GRIP1: variants seen among roughly 807,000 people sequenced by gnomAD.
GRIP1 encodes the protein glutamate receptor-interacting protein 1.
A neutral mutation model predicts 129.9 loss-of-function variants in GRIP1; 45 were observed. The ratio of observed to expected loss-of-function variants is 0.35; its 90% CI spans 0.27 to 0.44. GRIP1 has a LOEUF of 0.44. GRIP1 is among the 20% of genes least tolerant of loss of function. The pLI is 1.00. For synonymous variants in GRIP1, 530 were observed against 520.8 expected (o/e 1.02, Z -0.24); for missense variants, 1,196 against 1,396.8 (o/e 0.86, Z 2.29).
chr12:66,599,761 C>T (rs1202194076), intron 1 of GRIP1, among the ~76,000 whole-genome samples: 2 of 152,106 alleles, frequency 1.3e-5, no homozygotes, highest in African/African-American at 4.8e-5. Flanking sequence ...AGATATATCC[C>T]TAGAATTTCA....
chr12:66,717,406 T>G (rs2035924906), intron 1 of GRIP1, among the ~76,000 whole-genome samples: 1 of 149,206 alleles, frequency 6.7e-6, no homozygotes, highest in Non-Finnish European at 1.5e-5. Flanking sequence ...AGTCACCACA[T>G]GGCCCAGGAA....
At position 66,976,086 on chromosome 12, in the gene GRIP1, C is replaced by T. The variant is rs191911610; in HGVS notation, c.58+92964G>A. Among the ~76,000 whole-genome samples, 18 of 152,274 alleles carry T rather than the reference C, an allele frequency of 1.2e-4. No individual in the cohort carries two copies. In the South Asian group the frequency reaches 2.1e-3, roughly 18 times the overall value. ...TTCCCCAGTTGCATAGGCTTGGGCTCCACAAACCCTGTATCTGCCTTTGGT... is the reference window on the plus strand; with the variant it reads ...TTCCCCAGTTGCATAGGCTTGGGCTTCACAAACCCTGTATCTGCCTTTGGT... On this transcript the variant is annotated intron_variant, in intron 1 of 1. Transcript: ENST00000643019.
At chr12:66,881,807 AAAAG>A (rs1326926818) in intron 1 of GRIP1, among the ~76,000 whole-genome samples, 1 of 152,192 alleles carries the variant, frequency 6.6e-6, no homozygotes, top group Non-Finnish European at 1.5e-5. Flanking sequence ...CATAAAAAGA[AAAAG>A]AACTCAGCTG....
At chr12:66,764,335 G>T (rs1231234846) in intron 1 of GRIP1, among the ~76,000 whole-genome samples, 3 of 152,192 alleles carry the variant, frequency 2.0e-5, no homozygotes, top group African/African-American at 7.2e-5. Flanking sequence ...GTCTTAATGT[G>T]GTTTAGCTAC....
chr12:66,949,778 T>TC (rs2041727042), intron 1 of GRIP1, among the ~76,000 whole-genome samples: 2 of 142,732 alleles, frequency 1.4e-5, no homozygotes, highest in Admixed American at 7.0e-5. Flanking sequence ...TTTTTTTTTT[T>TC]TTTTTTTGAG....
intron 1 of GRIP1, among the ~76,000 whole-genome samples, chr12:66,755,338 G>A (rs1377328757): frequency 6.6e-6 from 1 of 152,142 alleles, no homozygotes; most frequent in African/African-American, 2.4e-5. Flanking sequence ...CAAAGGCAAA[G>A]AGGGCAAAGA....
chr12:66,736,329 A>T, intron 1 of GRIP1, among the ~76,000 whole-genome samples: 1 of 116,540 alleles, frequency 8.6e-6, no homozygotes. Context: ...ACAGGTGTGC[A>T]CCACCGTGCC....
intron 1 of GRIP1, among the ~76,000 whole-genome samples, chr12:67,052,459 T>C (rs2043361161): frequency 6.6e-6 from 1 of 152,130 alleles, no homozygotes. Flanking sequence ...TTACAGGTAG[T>C]CTTAAAATCT....
Position 67,010,317 on chromosome 12 carries a change from C to T in GRIP1, c.58+58733G>A, listed in dbSNP as rs189497282. ...TGTAAGATCTGACCTAATAGCAATT[C>T]GAGTTTAGAAAGACATAGGTGTTTT... is the stretch of plus-strand genomic sequence containing the variant. On this transcript the variant is annotated intron_variant, in intron 1 of 1. Transcript: ENST00000643019. Among the ~76,000 whole-genome samples the T allele has an allele frequency of 2.1e-3, 317 of 152,184 alleles. 9 individuals carry two copies. The highest frequency in any genetic ancestry group is 0.012 in the Admixed American group (187 of 15,260).
chr12:66,580,585 A>ATTTGC (rs1265419879), intron 2 of GRIP1, among the ~76,000 whole-genome samples: 3 of 149,536 alleles, frequency 2.0e-5, no homozygotes, highest in Non-Finnish European at 4.5e-5. Flanking sequence ...AATGGAAAAC[A>ATTTGC]AAAAAAGGCA....
chr12:66,975,182 C>T (rs980847797), intron 1 of GRIP1, among the ~76,000 whole-genome samples: 1 of 152,130 alleles, frequency 6.6e-6, no homozygotes, highest in African/African-American at 2.4e-5. Context: ...CCTGCAAGGT[C>T]AGAGGTCACA....
chr12:66,655,213 G>A (rs1023759995), intron 1 of GRIP1, among the ~76,000 whole-genome samples: 3 of 152,164 alleles, frequency 2.0e-5, no homozygotes, highest in Non-Finnish European at 4.4e-5. Context: ...CTCCTGCTGT[G>A]CACTTTTATG....
chr12:66,714,369 G>A (rs978411064), intron 1 of GRIP1, among the ~76,000 whole-genome samples: 4 of 152,012 alleles, frequency 2.6e-5, no homozygotes, highest in Non-Finnish European at 5.9e-5. Context: ...AGAGTTAATG[G>A]AAATGCAGAA....
intron 1 of GRIP1, among the ~76,000 whole-genome samples, chr12:66,949,798 C>T (rs1401816889): frequency 1.6e-5 from 2 of 124,904 alleles, no homozygotes; most frequent in African/African-American, 2.9e-5. Flanking sequence ...GATGGAGTCT[C>T]GCTCAGTCGC....
At chr12:66,732,654 C>T (rs1487645612) in intron 1 of GRIP1, among the ~76,000 whole-genome samples, 1 of 151,888 alleles carries the variant, frequency 6.6e-6, no homozygotes, top group Non-Finnish European at 1.5e-5. Context: ...TTTCTTAACA[C>T]TTTTTCTCTA....
chr12:66,810,601 G>GT (rs11368774), intron 1 of GRIP1, among the ~76,000 whole-genome samples: 98,575 of 151,716 alleles, frequency 0.65, 32,139 homozygotes, highest in African/African-American at 0.71. Flanking sequence ...ATGTGAGGTA[G>GT]ATAGGATGCA....
At chr12:66,412,016 G>A (rs2057420402) in intron 15 of GRIP1, among the ~76,000 whole-genome samples, 2 of 152,216 alleles carry the variant, frequency 1.3e-5, no homozygotes, top group Non-Finnish European at 2.9e-5. Context: ...TGGGGTACCT[G>A]AAGGAGAAGG....
chr12:66,715,471 T>TGTGTGTGTGTGTGTGTGTGTGAGA (rs761155485), intron 1 of GRIP1, among the ~76,000 whole-genome samples: 298 of 110,088 alleles, frequency 2.7e-3, no homozygotes, highest in Middle Eastern at 9.4e-3. Context: ...TGTGTGTGTG[T>TGTGTGTGTGTGTGTGTGTGTGAGA]GAGAGAGAGA....
chr12:66,366,798 C>T (rs111626353), intron 23 of GRIP1, among the ~76,000 whole-genome samples: 2,773 of 152,256 alleles, frequency 0.018, 35 homozygotes, highest in Non-Finnish European at 0.024. Flanking sequence ...ATCCTCTCGC[C>T]TCAGCCTCTT....
Sources: allele counts gnomAD v4.1 joint callset (sites outside exome capture counted in the v4.1 genomes callset), GRCh38; gene constraint gnomAD v4.1.1; transcripts MANE v1.5; gene names NCBI Gene and HGNC (gene_info 2026-07-23, HGNC 2026-07-21).